The following PDE8A variants were observed in gnomAD, a reference collection of about 807,000 sequenced individuals.
PDE8A encodes phosphodiesterase 8A.
PDE8A carries 59 observed loss-of-function variants against 105.0 expected under a neutral mutation model. The ratio of observed to expected loss-of-function variants is 0.56; its 90% CI spans 0.46 to 0.70. PDE8A has a LOEUF of 0.70. PDE8A is among the 30% of genes least tolerant of loss of function. The pLI, the probability that PDE8A is intolerant of heterozygous loss-of-function variation, is 0.00. For missense variants in PDE8A, 1,014 were observed against 1,045.9 expected (o/e 0.97, Z 0.42); for synonymous variants, 355 against 371.9 (o/e 0.95, Z 0.52).
At chr15:85,068,392 C>T (rs1023533348) in intron 3 of PDE8A, among the ~76,000 whole-genome samples, 1 of 152,132 alleles carries the variant, frequency 6.6e-6, no homozygotes, top group African/African-American at 2.4e-5. Context: ...CCAGCACATT[C>T]ATGGGGGATT....
intron 11 of PDE8A, among the ~76,000 whole-genome samples, chr15:85,103,088 GAC>G (rs966919318): frequency 1.3e-5 from 2 of 152,022 alleles, no homozygotes; most frequent in Non-Finnish European, 2.9e-5. Context: ...CGGGTGTGGT[GAC>G]ACGCGCCAGT....
intron 1 of PDE8A, among the ~76,000 whole-genome samples, chr15:85,021,766 C>T (rs1388334909): frequency 1.3e-5 from 2 of 152,102 alleles, no homozygotes; most frequent in African/African-American, 4.8e-5. Context: ...TTGAAGAGTA[C>T]GGAACAGTTA....
intron 1 of PDE8A, among the ~76,000 whole-genome samples, chr15:85,045,908 T>C (rs991868918): frequency 6.6e-6 from 1 of 152,206 alleles, no homozygotes; most frequent in Non-Finnish European, 1.5e-5. Context: ...TTTATGTCTT[T>C]ACTGCAGTTC....
intron 1 of PDE8A, among the ~76,000 whole-genome samples, chr15:85,055,963 T>C (rs1350383252): frequency 6.6e-6 from 1 of 152,364 alleles, no homozygotes; most frequent in East Asian, 1.9e-4. Flanking sequence ...TTCCTTTCCA[T>C]GTTTAGTGCT....
chr15:85,013,199 T>G (rs2080269691), intron 1 of PDE8A, among the ~76,000 whole-genome samples: 2 of 152,186 alleles, frequency 1.3e-5, no homozygotes, highest in Admixed American at 6.5e-5. Flanking sequence ...ATTCACAGAT[T>G]TGGACCTTAG....
At position 85,049,584 on chromosome 15, in the gene PDE8A, T is replaced by A. The variant is rs184156259; in HGVS notation, c.187-14786T>A. 1.9e-3 allele frequency among the ~76,000 whole-genome samples: 296 copies of A among 152,326 alleles called. 1 individual carries two copies. The highest frequency in any genetic ancestry group is 2.6e-3 in the Non-Finnish European group (180 of 68,022). On this transcript the variant is annotated intron_variant, in intron 1 of 21. Coordinates refer to ENST00000394553, the MANE Select transcript of PDE8A (RefSeq NM_002605.3). Reference sequence around the variant, plus strand: ...TGCATATACCACATTTTAAAATACATTTATTCTTTATTTTTTAAAGGAAGA... The same window carrying A: ...TGCATATACCACATTTTAAAATACAATTATTCTTTATTTTTTAAAGGAAGA...
chr15:85,079,238 T>G (rs1440307887), intron 5 of PDE8A, among the ~76,000 whole-genome samples: 4 of 152,214 alleles, frequency 2.6e-5, no homozygotes, highest in Non-Finnish European at 2.9e-5. Context: ...AATAGCTCAC[T>G]TTTAAATTCT....
In PDE8A at chr15:85,083,749, G is replaced by A. The variant is rs1253359640; in HGVS notation, c.635+105G>A. ...TTTTGAAATGGCCTCTTGCAGAAATGGGATTGGAGAGAATGGAGTGGCAAC... is the reference window on the plus strand; with the variant it reads ...TTTTGAAATGGCCTCTTGCAGAAATAGGATTGGAGAGAATGGAGTGGCAAC... On this transcript the variant is annotated intron_variant, in intron 6 of 21. Transcript: ENST00000394553. 4.4e-5 allele frequency: 32 copies of A among 727,612 alleles called. No homozygotes were observed. The Admixed American group carries it at 6.8e-4, about 15-fold the overall frequency. 45.1% of individuals were successfully genotyped at this position (727,612 alleles called of 1,614,324 possible). A position where few individuals can be genotyped will look rare whatever the true frequency, so the allele number is the denominator to read the frequency against.
At position 85,067,121 on chromosome 15, in the gene PDE8A, T is replaced by TAG. The variant is rs2081241932; in HGVS notation, c.351_352insAG (p.Ala118ArgfsTer14). On this transcript the variant is annotated frameshift_variant, in exon 3 of 22. Transcript: ENST00000394553. LOFTEE classifies it high-confidence loss of function. ...TTACCAAGGAGGCTCAGGCTGTCCT[T>TAG]GCCTGTTTCCTGGACAAACATCATG... 6.2e-7 allele frequency: 1 copy of TAG among 1,613,820 alleles called. No individual in the cohort carries two copies. The highest frequency in any genetic ancestry group is 8.5e-7 in the Non-Finnish European group (1 of 1,179,830).
intron 1 of PDE8A, among the ~76,000 whole-genome samples, chr15:85,029,270 C>G (rs1389101490): frequency 6.6e-6 from 1 of 151,994 alleles, no homozygotes; most frequent in Admixed American, 6.6e-5. Context: ...TTTTTAATGA[C>G]CCAACTTATT....
chr15:85,040,472 T>C (rs1420498366), intron 1 of PDE8A, among the ~76,000 whole-genome samples: 1 of 151,974 alleles, frequency 6.6e-6, no homozygotes, highest in African/African-American at 2.4e-5. Context: ...TTCCTTTCTG[T>C]CTTCTCTAGG....
chr15:85,045,237 T>C (rs1238492655), intron 1 of PDE8A, among the ~76,000 whole-genome samples: 1 of 152,272 alleles, frequency 6.6e-6, no homozygotes, highest in African/African-American at 2.4e-5. Context: ...TCTGTCTTGC[T>C]GTCTATTGAA....
intron 1 of PDE8A, among the ~76,000 whole-genome samples, chr15:85,037,391 C>G (rs1201105698): frequency 6.6e-6 from 1 of 152,114 alleles, no homozygotes; most frequent in Non-Finnish European, 1.5e-5. Context: ...GCAAATGTAA[C>G]CATCCAGATT....
At chr15:85,132,685 G>GA (rs1223943715) in intron 20 of PDE8A, among the ~76,000 whole-genome samples, 1 of 152,158 alleles carries the variant, frequency 6.6e-6, no homozygotes, top group Non-Finnish European at 1.5e-5. Flanking sequence ...TCAAACTCTT[G>GA]ACCTCAGGTG....
chr15:85,122,409 CT>C (rs1408727070), intron 18 of PDE8A, among the ~76,000 whole-genome samples: 3 of 152,190 alleles, frequency 2.0e-5, no homozygotes, highest in Non-Finnish European at 4.4e-5. Context: ...TGTAAAACTC[CT>C]TTCTGCCATG....
intron 1 of PDE8A, among the ~76,000 whole-genome samples, chr15:85,006,320 G>A (rs1431955105): frequency 6.6e-6 from 1 of 152,114 alleles, no homozygotes; most frequent in Admixed American, 6.5e-5. Flanking sequence ...AGAGGGACAA[G>A]GTTCTGAACA....
chr15:85,088,497 TTATC>T (rs748892693), intron 6 of PDE8A, among the ~76,000 whole-genome samples: 2 of 152,272 alleles, frequency 1.3e-5, no homozygotes, highest in Admixed American at 1.3e-4. Flanking sequence ...CACATTTTGT[TTATC>T]CATTCATCAG....
At chr15:85,058,985 G>C (rs1486264597) in intron 1 of PDE8A, among the ~76,000 whole-genome samples, 3 of 151,974 alleles carry the variant, frequency 2.0e-5, no homozygotes, top group Non-Finnish European at 1.5e-5. Flanking sequence ...TTATGTTGTT[G>C]ATTTGAGATC....
intron 1 of PDE8A, among the ~76,000 whole-genome samples, chr15:85,056,700 A>AGCCATTCG (rs2081065360): frequency 6.6e-6 from 1 of 152,180 alleles, no homozygotes; most frequent in African/African-American, 2.4e-5. Context: ...TATTCTAGTT[A>AGCCATTCG]GCCATTCGTC....
Sources: allele counts gnomAD v4.1 joint callset (sites outside exome capture counted in the v4.1 genomes callset), GRCh38; gene constraint gnomAD v4.1.1; transcripts MANE v1.5; gene names NCBI Gene and HGNC (gene_info 2026-07-23, HGNC 2026-07-21).